Variants in WDR49 observed in about 807,000 individuals in gnomAD.
WDR49 encodes cilia- and flagella-associated protein 337.
A neutral mutation model predicts 119.5 loss-of-function variants in WDR49; 107 were observed. The ratio of observed to expected loss-of-function variants is 0.90; its 90% CI spans 0.77 to 1.05. WDR49 has a LOEUF of 1.05. Among genes scored for constraint, WDR49 ranks in the 50% least tolerant of loss-of-function variants. WDR49 has a pLI of 0.00. For missense variants in WDR49, 1,240 were observed against 1,220.5 expected (o/e 1.02, Z -0.24); for synonymous variants, 425 against 418.8 (o/e 1.01, Z -0.18).
At chr3:167,647,167 T>C (rs1302018075) in intron 2 of WDR49, among the ~76,000 whole-genome samples, 1 of 152,174 alleles carries the variant, frequency 6.6e-6, no homozygotes, top group Non-Finnish European at 1.5e-5. Flanking sequence ...GCTAAGCTGA[T>C]GCACTACACA....
At chr3:167,597,194 G>T (rs1051254334) in intron 7 of WDR49, among the ~76,000 whole-genome samples, 1 of 152,140 alleles carries the variant, frequency 6.6e-6, no homozygotes, top group African/African-American at 2.4e-5. Flanking sequence ...CTGCATCCCA[G>T]CTGCTCCAGC....
chr3:167,620,666 G>T, intron 4 of WDR49, 63 bp from the exon 5 acceptor site: 2 of 1,425,272 alleles, frequency 1.4e-6, no homozygotes, highest in South Asian at 1.5e-5. Context: ...GAAGATTCTA[G>T]GTTATTTTAG....
At chr3:167,525,257 G>T (rs1752592775) in intron 15 of WDR49, among the ~76,000 whole-genome samples, 1 of 151,994 alleles carries the variant, frequency 6.6e-6, no homozygotes. Context: ...CATTAATTTT[G>T]TATCCTGAGA....
chr3:167,511,889 T>C (rs1751990523), intron 16 of WDR49, among the ~76,000 whole-genome samples: 1 of 152,126 alleles, frequency 6.6e-6, no homozygotes, highest in Non-Finnish European at 1.5e-5. Context: ...ATCCCTCCTC[T>C]TTGGGTGGGG....
chr3:167,527,794 G>C (rs998211148), intron 15 of WDR49, 26 bp downstream of exon 15: 5 of 1,601,300 alleles, frequency 3.1e-6, no homozygotes, highest in Non-Finnish European at 4.3e-6. Context: ...GTAAATACTA[G>C]AATAATAAAG....
Position 167,586,935 on chromosome 3 carries a change from A to G in WDR49, c.1276-10784T>C, listed in dbSNP as rs139992719. On this transcript the variant is annotated intron_variant, in intron 7 of 18. Coordinates refer to ENST00000682715, the MANE Select transcript of WDR49 (RefSeq NM_001366157.1). ...TATAAAACCTCTCGGGGAAGTCTTA[A>G]TGACAAAATATCTGATACTTGTTTC... 3.4e-3 allele frequency among the ~76,000 whole-genome samples: 520 copies of G among 152,326 alleles called. 5 individuals are homozygous for G. The highest frequency in any genetic ancestry group is 0.012 in the African/African-American group (490 of 41,584).
intron 15 of WDR49, among the ~76,000 whole-genome samples, chr3:167,523,651 GT>G (rs890647416): frequency 6.6e-6 from 1 of 152,006 alleles, no homozygotes; most frequent in African/African-American, 2.4e-5. Flanking sequence ...GTGGTGTTTG[GT>G]TTTCTGTTCC....
intron 18 of WDR49, among the ~76,000 whole-genome samples, chr3:167,485,325 C>G (rs1226707146): frequency 6.6e-6 from 1 of 151,220 alleles, no homozygotes; most frequent in Non-Finnish European, 1.5e-5. Context: ...AAAACCTTCA[C>G]GTTCTATACA....
intron 12 of WDR49, among the ~76,000 whole-genome samples, chr3:167,531,861 A>G (rs115389132): frequency 1.8e-3 from 276 of 152,166 alleles, no homozygotes; most frequent in African/African-American, 6.5e-3. Context: ...ATCTATACAG[A>G]CGTATTTTCA....
At chr3:167,599,380 G>A (rs1308622332) in intron 7 of WDR49, among the ~76,000 whole-genome samples, 2 of 152,126 alleles carry the variant, frequency 1.3e-5, no homozygotes, top group Non-Finnish European at 2.9e-5. Flanking sequence ...ACTGTCCCAT[G>A]GGGAGAACTG....
At chr3:167,505,213 T>C in intron 17 of WDR49, 94 bp downstream of exon 17, 2 of 1,268,762 alleles carry the variant, frequency 1.6e-6, no homozygotes, top group Non-Finnish European at 1.0e-6. Context: ...TATTAAGGAA[T>C]AGGAACATTC....
rs1216187482 is a variant in WDR49 at position 167,527,928 on chromosome 3, G to A, written c.2496C>T (p.Ser832=). The change falls in exon 15 of 19, where the codon TCC becomes TCT. Residue 832 remains serine, a synonymous_variant. Transcript: ENST00000682715. The part of the protein sequence containing the change: ...SFQPHEDRIS[S]LEMCEPGGQL... The stretch of plus-strand genomic sequence containing the variant: ...GACCACCTGGCTCACACATCTCTAA[G>A]GAACTTATTCGGTCCTCATGAGGTT... The A allele has an allele frequency of 1.2e-6, 2 of 1,613,296 alleles. No individual in the cohort carries two copies. Among genetic ancestry groups the A allele is most frequent in the African/African-American group, 1.3e-5 (1 of 74,964 alleles).
At chr3:167,539,275 A>G (rs1173460687) in intron 10 of WDR49, among the ~76,000 whole-genome samples, 1 of 152,174 alleles carries the variant, frequency 6.6e-6, no homozygotes, top group Admixed American at 6.6e-5. Flanking sequence ...AAGTTTCTGA[A>G]GTACACCTTC....
intron 8 of WDR49, 111 bp from the exon 9 acceptor site, chr3:167,560,339 G>A: frequency 9.1e-7 from 1 of 1,093,868 alleles, no homozygotes. Flanking sequence ...TCCCCCAACA[G>A]TCAGAGACAT....
At chr3:167,554,842 C>A (rs1553865505) in intron 9 of WDR49, 44 bp from the exon 10 acceptor site, 1 of 1,377,296 alleles carries the variant, frequency 7.3e-7, no homozygotes, top group South Asian at 1.3e-5. Flanking sequence ...GGAAGGTAAA[C>A]TTTTTATATT....
intron 6 of WDR49, among the ~76,000 whole-genome samples, chr3:167,602,800 G>A (rs1342409994): frequency 6.6e-6 from 1 of 152,056 alleles, no homozygotes; most frequent in Non-Finnish European, 1.5e-5. Context: ...ATACGAATAT[G>A]GTCCCATGAG....
chr3:167,478,722 T>A lies in WDR49; in HGVS notation c.*156A>T, dbSNP rs1163605646. ...TTATTTTATTAAGAATACAGAGAAATTGACAGATGATAGATAAAAGCAGTA... is the reference window on the plus strand; with the variant it reads ...TTATTTTATTAAGAATACAGAGAAAATGACAGATGATAGATAAAAGCAGTA... On this transcript the variant is annotated 3_prime_UTR_variant, in exon 19 of 19. Coordinates refer to ENST00000682715, the MANE Select transcript of WDR49 (RefSeq NM_001366157.1). 2 of 452,584 alleles carry A rather than the reference T, an allele frequency of 4.4e-6. No homozygotes were observed. The highest frequency in any genetic ancestry group is 7.7e-6 in the Non-Finnish European group (2 of 261,086). The allele number at this position is 452,584 out of a possible 1,614,324, so 28.0% of individuals were successfully genotyped here. A position where few individuals can be genotyped will look rare whatever the true frequency, so the allele number is the denominator to read the frequency against.
intron 8 of WDR49, among the ~76,000 whole-genome samples, chr3:167,569,680 CAAA>C (rs199809894): frequency 1.4e-4 from 14 of 96,732 alleles, no homozygotes; most frequent in Admixed American, 6.7e-4. Flanking sequence ...CTGGACACAG[CAAA>C]AAAAAAAAAA....
chr3:167,546,998 A>T (rs746281573), intron 10 of WDR49, among the ~76,000 whole-genome samples: 4 of 151,866 alleles, frequency 2.6e-5, no homozygotes, highest in Non-Finnish European at 4.4e-5. Context: ...TGTAGAGTCA[A>T]ATTTTGAATA....
Sources: allele counts gnomAD v4.1 joint callset (sites outside exome capture counted in the v4.1 genomes callset), GRCh38; gene constraint gnomAD v4.1.1; transcripts MANE v1.5; gene names NCBI Gene and HGNC (gene_info 2026-07-23, HGNC 2026-07-21).